CFH: variants seen among roughly 807,000 people sequenced by gnomAD.
CFH encodes complement factor H.
CFH carries 53 observed loss-of-function variants against 147.3 expected under a neutral mutation model. The ratio of observed to expected loss-of-function variants is 0.36; its 90% CI spans 0.29 to 0.45. The LOEUF is 0.45. CFH is among the 20% of genes least tolerant of loss of function. The pLI is 1.00. For missense variants in CFH, 1,380 were observed against 1,498.0 expected (o/e 0.92, Z 1.30); for synonymous variants, 536 against 489.4 (o/e 1.10, Z -1.26).
chr1:196,666,789 AG>A (rs1667109110), intron 1 of CFH, among the ~76,000 whole-genome samples: 1 of 142,336 alleles, frequency 7.0e-6, no homozygotes, highest in Non-Finnish European at 1.5e-5. Context: ...TGGGGGACAG[AG>A]CGAGACTCCG....
intron 1 of CFH, among the ~76,000 whole-genome samples, chr1:196,656,238 A>T (rs562973473): frequency 4.0e-5 from 6 of 150,892 alleles, no homozygotes; most frequent in African/African-American, 1.5e-4. Context: ...AGGGAGGCGG[A>T]GGTTGCAGTG....
intron 11 of CFH, among the ~76,000 whole-genome samples, chr1:196,723,041 A>T (rs1573062629): frequency 6.6e-6 from 1 of 152,108 alleles, no homozygotes; most frequent in Non-Finnish European, 1.5e-5. Flanking sequence ...TAGCTACTTT[A>T]AAATAAATAT....
intron 6 of CFH, among the ~76,000 whole-genome samples, chr1:196,684,541 AAG>A (rs2149084951): frequency 6.6e-6 from 1 of 152,022 alleles, no homozygotes; most frequent in African/African-American, 2.4e-5. Context: ...ATCTTTGGGA[AAG>A]AGAACATAAA....
At position 196,736,871 on chromosome 1, in the gene CFH, C is replaced by T. The variant is rs367687415; in HGVS notation, c.2461C>T (p.His821Tyr). ...ACCTCCACCTCAGATTCCCAATTCT[C>T]ACAATATGACAACCACACTGAATTA... ...CPPPPQIPNS[H>Y]NMTTTLNYRD... Residue 821 changes from histidine to tyrosine, a missense_variant, in exon 16 of 22, where the codon CAC becomes TAC. This residue lies in a region of CFH where 830 missense variants were observed against 821.4 expected (regional missense o/e 1.01). Coordinates refer to ENST00000367429, the MANE Select transcript of CFH (RefSeq NM_000186.4). 166 of 1,583,112 alleles carry T rather than the reference C, an allele frequency of 1.0e-4. No individual in the cohort carries two copies. Among genetic ancestry groups the T allele is most frequent in the Middle Eastern group, 1.7e-4 (1 of 5,974 alleles).
Position 196,701,572 on chromosome 1 carries a change from C to T in CFH, c.1336+11333C>T. ...AACTCTTTCTCTGCTGCAAACCCCACTGTCTCAGTGTATTGTTCTGTTGCT... is the reference window on the plus strand; with the variant it reads ...AACTCTTTCTCTGCTGCAAACCCCATTGTCTCAGTGTATTGTTCTGTTGCT... On this transcript the variant is annotated intron_variant, in intron 9 of 21. Coordinates refer to ENST00000367429, the MANE Select transcript of CFH (RefSeq NM_000186.4). The T allele has an allele frequency of 5.4e-6, 3 of 552,660 alleles. No homozygotes were observed. The South Asian group carries it at 6.2e-5, about 11-fold the overall frequency. The allele number at this position is 552,660 out of a possible 1,614,324, so 34.2% of individuals were successfully genotyped here.
rs1669108260 is a variant in CFH, at chr1:196,725,229, C to T, written c.1805C>T (p.Thr602Ile). 1.2e-6 allele frequency: 2 copies of T among 1,613,844 alleles called. No individual in the cohort carries two copies. The highest frequency in any genetic ancestry group is 2.2e-5 in the East Asian group (1 of 44,860). ...AAATTCTCCTGCAAACCAGGATTTA[C>T]AATAGTTGGACCTAATTCCGTTCAG... ...VLKFSCKPGF[T>I]IVGPNSVQCY... Residue 602 changes from threonine to isoleucine, a missense_variant, in exon 12 of 22, where the codon ACA (threonine) becomes ATA (isoleucine). By Grantham distance (89) the Thr-to-Ile change is moderately conservative. This residue lies in a region of CFH where 830 missense variants were observed against 821.4 expected (regional missense o/e 1.01). Coordinates refer to ENST00000367429, the MANE Select transcript of CFH (RefSeq NM_000186.4).
At chr1:196,689,930 C>T in intron 8 of CFH, 133 bp from the exon 9 acceptor site, 1 of 1,072,200 alleles carries the variant, frequency 9.3e-7, no homozygotes, top group Non-Finnish European at 1.3e-6. Context: ...TTTAGTTCGT[C>T]TTCAGTTATA....
At chr1:196,655,873 G>A (rs1319153971) in intron 1 of CFH, among the ~76,000 whole-genome samples, 1 of 152,102 alleles carries the variant, frequency 6.6e-6, no homozygotes, top group Non-Finnish European at 1.5e-5. Flanking sequence ...AGGAAATAAA[G>A]TAACTGAACA....
In CFH at chr1:196,727,004, A is replaced by G. The variant is rs7535653; in HGVS notation, c.2236+64A>G. The G allele has an allele frequency of 2.7e-3, 3,999 of 1,472,056 alleles. 79 individuals carry two copies. In the African/African-American group the frequency reaches 0.045, roughly 17 times the overall value. 91.2% of individuals were successfully genotyped at this position (1,472,056 alleles called of 1,614,324 possible). ...TAATATTTTTATTGTAACAACAATA[A>G]TTGCAACTATATTTTTGAAATTTAC... On this transcript the variant is annotated intron_variant, in intron 14 of 21. Transcript: ENST00000367429.
At chr1:196,684,222 G>A (rs1440780908) in intron 6 of CFH, among the ~76,000 whole-genome samples, 2 of 151,880 alleles carry the variant, frequency 1.3e-5, no homozygotes, top group South Asian at 2.1e-4. Context: ...TTGAAACACA[G>A]CCAAGTTCAT....
chr1:196,697,661 A>G (rs543267445), intron 9 of CFH, among the ~76,000 whole-genome samples: 2 of 152,270 alleles, frequency 1.3e-5, no homozygotes, highest in Non-Finnish European at 2.9e-5. Context: ...CTGGGTATAT[A>G]CACAAAGGAT....
intron 3 of CFH, among the ~76,000 whole-genome samples, chr1:196,675,764 T>A (rs1667432597): frequency 1.3e-5 from 2 of 151,120 alleles, no homozygotes; most frequent in African/African-American, 2.4e-5. Context: ...TCTATGAAAA[T>A]TAGAGGAAGA....
At chr1:196,676,960 A>G (rs2149080365) in intron 4 of CFH, 1 of 154,738 alleles carries the variant, frequency 6.5e-6, no homozygotes, top group Non-Finnish European at 1.4e-5. Flanking sequence ...GTCATTCTAT[A>G]GTACAATAAA....
chr1:196,692,600 T>TTC (rs140142103), intron 9 of CFH, among the ~76,000 whole-genome samples: 91,625 of 143,090 alleles, frequency 0.64, 30,034 homozygotes, highest in East Asian at 0.95. Context: ...CTTCTCTTCC[T>TTC]TCTTTCTTTT....
intron 9 of CFH, among the ~76,000 whole-genome samples, chr1:196,711,524 C>G (rs1277520387): frequency 6.6e-6 from 1 of 151,916 alleles, no homozygotes; most frequent in Non-Finnish European, 1.5e-5. Context: ...TGGAACTTCT[C>G]AAGTCTGTAC....
chr1:196,713,822 A>G lies in CFH; in HGVS notation c.1424A>G (p.Tyr475Cys), dbSNP rs1668780783. The change falls in exon 10 of 22, where the codon TAT becomes TGT. Residue 475 changes from tyrosine to cysteine, a missense_variant. Coordinates refer to ENST00000367429, the MANE Select transcript of CFH (RefSeq NM_000186.4). ...TATGCCTTAAAAGAAAAAGCGAAAT[A>G]TCAATGCAAACTAGGATATGTAACA... ...YTYALKEKAK[Y>C]QCKLGYVTAD... is the part of the protein sequence containing the mutation. The G allele has an allele frequency of 6.2e-7, 1 of 1,612,152 alleles. No homozygotes were observed.
intron 11 of CFH, among the ~76,000 whole-genome samples, chr1:196,721,607 T>C (rs533710164): frequency 4.5e-4 from 68 of 152,064 alleles, no homozygotes; most frequent in African/African-American, 1.6e-3. Context: ...TGAGGTTTCT[T>C]TGTTTATTTT....
Position 196,740,691 on chromosome 1 carries a change from G to A in CFH, c.2855G>A (p.Gly952Glu), listed in dbSNP as rs1652781370. Residue 952 changes from glycine to glutamate, a missense_variant, in exon 18 of 22, where the codon GGA becomes GAA. This residue lies in a region of CFH where 830 missense variants were observed against 821.4 expected (regional missense o/e 1.01). Transcript: ENST00000367429. ...CACATGTCAGACAGTTATCAGTATG[G>A]AGAAGAAGTTACGTACAAATGTTTT... ...VAHMSDSYQYGEEVTYKCFEG... is the reference protein window; with the variant it reads ...VAHMSDSYQYEEEVTYKCFEG... 1 of 1,613,946 alleles carries A rather than the reference G, an allele frequency of 6.2e-7. No homozygotes were observed. The highest frequency in any genetic ancestry group is 8.5e-7 in the Non-Finnish European group (1 of 1,179,952).
In CFH at chr1:196,726,890, G is replaced by A. The variant is rs750655538; in HGVS notation, c.2186G>A (p.Arg729Lys). ...CSESFTMIGH[R>K]SITCIHGVWT... is the part of the protein sequence containing the mutation. Reference sequence around the variant, plus strand: ...GAATCATTTACAATGATTGGACACAGATCAATTACGTGTATTCATGGAGTA... The same window carrying A: ...GAATCATTTACAATGATTGGACACAAATCAATTACGTGTATTCATGGAGTA... The change falls in exon 14 of 22, where the codon AGA becomes AAA. Residue 729 changes from arginine (R) to lysine (K), a missense_variant. Coordinates refer to ENST00000367429, the MANE Select transcript of CFH (RefSeq NM_000186.4). 1 of 1,613,770 alleles carries A rather than the reference G, an allele frequency of 6.2e-7. No individual in the cohort carries two copies. The highest frequency in any genetic ancestry group is 1.7e-5 in the Admixed American group (1 of 59,986).
Sources: allele counts gnomAD v4.1 joint callset (sites outside exome capture counted in the v4.1 genomes callset), GRCh38; gene constraint gnomAD v4.1.1; regional missense constraint gnomAD v4.1.1; transcripts MANE v1.5; gene names NCBI Gene and HGNC (gene_info 2026-07-23, HGNC 2026-07-21).